Variants in ASIC2 observed in about 807,000 individuals in gnomAD.
ASIC2 encodes the protein acid-sensing ion channel 2.
ASIC2 carries 25 observed loss-of-function variants against 57.3 expected under a neutral mutation model. The ratio of observed to expected loss-of-function variants is 0.44; its 90% CI spans 0.32 to 0.61. The LOEUF is 0.61. ASIC2 is among the 20% of genes least tolerant of loss of function. The pLI is 0.06. For synonymous variants in ASIC2, 319 were observed against 307.5 expected (o/e 1.04, Z -0.39); for missense variants, 641 against 738.1 (o/e 0.87, Z 1.52).
intron 1 of ASIC2, among the ~76,000 whole-genome samples, chr17:33,415,703 G>A (rs1910819601): frequency 6.6e-6 from 1 of 152,128 alleles, no homozygotes; most frequent in Non-Finnish European, 1.5e-5. Context: ...AAGAGAGAGA[G>A]CTGGAGGGGA....
intron 1 of ASIC2, among the ~76,000 whole-genome samples, chr17:33,614,378 G>T (rs1451575531): frequency 6.6e-6 from 1 of 152,110 alleles, no homozygotes; most frequent in Non-Finnish European, 1.5e-5. Flanking sequence ...TTAACTGATT[G>T]CTTACCTGGT....
chr17:33,237,048 A>C (rs1375243300), intron 1 of ASIC2, among the ~76,000 whole-genome samples: 1 of 152,198 alleles, frequency 6.6e-6, no homozygotes, highest in Non-Finnish European at 1.5e-5. Context: ...ATGCAGGGAC[A>C]TGTGAGTGTG....
At chr17:33,082,831 G>C (rs1231737337) in intron 3 of ASIC2, among the ~76,000 whole-genome samples, 1 of 152,130 alleles carries the variant, frequency 6.6e-6, no homozygotes, top group Non-Finnish European at 1.5e-5. Flanking sequence ...GAATATCCCA[G>C]CTTTGCAGTT....
chr17:34,085,964 T>G (rs1910098627), intron 1 of ASIC2, among the ~76,000 whole-genome samples: 1 of 151,866 alleles, frequency 6.6e-6, no homozygotes, highest in Admixed American at 6.5e-5. Flanking sequence ...GGTCTATCAA[T>G]TTTGTTGATC....
At position 34,156,121 on chromosome 17, in the gene ASIC2, G is replaced by A. The variant is rs565904010; in HGVS notation, c.412C>T (p.Arg138Trp). The A allele has an allele frequency of 2.1e-5, 34 of 1,613,970 alleles. No individual in the cohort carries two copies. The highest frequency in any genetic ancestry group is 4.5e-5 in the East Asian group (2 of 44,846). The change falls in exon 1 of 10, where the codon CGG (arginine) becomes TGG (tryptophan). Residue 138 changes from arginine (R) to tryptophan (W), a missense_variant. Physicochemically the swap from Arg to Trp is moderately radical, Grantham distance 101. Transcript: ENST00000359872. The surrounding 1 kb of genome is among the most constrained non-coding windows in gnomAD (Gnocchi z 4.4). ...TAGTGCTTGAAGTTGGCCTTCTGCCGCAGGGCCTCCAGCACGGAGGGGTCA... is the reference window on the plus strand; with the variant it reads ...TAGTGCTTGAAGTTGGCCTTCTGCCACAGGGCCTCCAGCACGGAGGGGTCA...
At chr17:33,933,541 C>T (rs545266997) in intron 1 of ASIC2, among the ~76,000 whole-genome samples, 41 of 152,304 alleles carry the variant, frequency 2.7e-4, no homozygotes, top group Middle Eastern at 3.4e-3. Context: ...TTGATTTCAG[C>T]GACTGCACCG....
intron 1 of ASIC2, among the ~76,000 whole-genome samples, chr17:33,230,484 G>C (rs1336422019): frequency 1.3e-5 from 2 of 152,250 alleles, no homozygotes; most frequent in Non-Finnish European, 2.9e-5. Flanking sequence ...TGCAGAACCA[G>C]AGGCAAGTGG....
At chr17:33,895,270 C>T (rs1414215215) in intron 1 of ASIC2, among the ~76,000 whole-genome samples, 2 of 151,888 alleles carry the variant, frequency 1.3e-5, no homozygotes, top group African/African-American at 4.8e-5. Flanking sequence ...TCAAGCAATC[C>T]TCGTGTCTCA....
intron 1 of ASIC2, among the ~76,000 whole-genome samples, chr17:33,642,397 A>G (rs890297029): frequency 3.9e-5 from 6 of 152,202 alleles, no homozygotes; most frequent in Non-Finnish European, 5.9e-5. Flanking sequence ...GTACCAGGCT[A>G]GGCAGCTCTG....
intron 3 of ASIC2, among the ~76,000 whole-genome samples, chr17:33,061,244 T>G (rs930741195): frequency 3.9e-5 from 6 of 152,228 alleles, no homozygotes; most frequent in African/African-American, 1.2e-4. Context: ...TGTGCCAATT[T>G]TCAAAGGGAA....
intron 1 of ASIC2, among the ~76,000 whole-genome samples, chr17:34,141,221 A>T (rs974548290): frequency 6.6e-6 from 1 of 152,208 alleles, no homozygotes; most frequent in Non-Finnish European, 1.5e-5. Flanking sequence ...AAGAATAAAG[A>T]CAGAGTAAGG....
intron 1 of ASIC2, among the ~76,000 whole-genome samples, chr17:34,078,412 A>T (rs1026965952): frequency 1.5e-4 from 23 of 152,194 alleles, no homozygotes; most frequent in Admixed American, 1.4e-3. Flanking sequence ...CATAGCGAAT[A>T]TAACGATGGA....
intron 1 of ASIC2, among the ~76,000 whole-genome samples, chr17:33,132,688 G>A (rs999171146): frequency 6.6e-6 from 1 of 152,212 alleles, no homozygotes; most frequent in Non-Finnish European, 1.5e-5. Context: ...CCAGTTTAAT[G>A]AAAAGGCAGC....
At chr17:33,752,237 TA>T (rs1910457516) in intron 1 of ASIC2, among the ~76,000 whole-genome samples, 1 of 152,050 alleles carries the variant, frequency 6.6e-6, no homozygotes, top group Non-Finnish European at 1.5e-5. Flanking sequence ...AAAATTAAGA[TA>T]AAAAAGAGTT....
intron 1 of ASIC2, among the ~76,000 whole-genome samples, chr17:33,585,495 C>T (rs541350538): frequency 6.6e-6 from 1 of 152,308 alleles, no homozygotes; most frequent in East Asian, 1.9e-4. Context: ...ATACCAGCTG[C>T]ACTTTTTCCT....
chr17:33,579,778 G>A (rs191766396), intron 1 of ASIC2, among the ~76,000 whole-genome samples: 162 of 152,276 alleles, frequency 1.1e-3, no homozygotes, highest in Non-Finnish European at 1.5e-3. Context: ...AAGAGCAAAA[G>A]AACAAACTAC....
At chr17:33,712,938 C>T (rs867954351) in intron 1 of ASIC2, among the ~76,000 whole-genome samples, 1 of 152,140 alleles carries the variant, frequency 6.6e-6, no homozygotes, top group Non-Finnish European at 1.5e-5. Context: ...AGCCACCGCG[C>T]CCGGCCCTCA....
chr17:33,731,852 G>A (rs1188403576), intron 1 of ASIC2, among the ~76,000 whole-genome samples: 1 of 152,142 alleles, frequency 6.6e-6, no homozygotes, highest in Non-Finnish European at 1.5e-5. Context: ...ACAGTGTTCA[G>A]AACAGCCTAT....
intron 1 of ASIC2, among the ~76,000 whole-genome samples, chr17:33,208,605 C>G (rs1907158210): frequency 6.6e-6 from 1 of 152,158 alleles, no homozygotes; most frequent in African/African-American, 2.4e-5. Flanking sequence ...AAGTCAGTCA[C>G]TCCCTATCTA....
Sources: allele counts gnomAD v4.1 joint callset (sites outside exome capture counted in the v4.1 genomes callset), GRCh38; gene constraint gnomAD v4.1.1; non-coding constraint Gnocchi (gnomAD v3.1); transcripts MANE v1.5; gene names NCBI Gene and HGNC (gene_info 2026-07-23, HGNC 2026-07-21).